The following UTRN variants were observed in gnomAD, a reference collection of about 807,000 sequenced individuals.
UTRN encodes dystrophin-related protein 1.
Under a neutral mutation model 463.9 loss-of-function variants are expected in UTRN, and 283 were observed. The ratio of observed to expected loss-of-function variants is 0.61; its 90% CI spans 0.55 to 0.67. The LOEUF (loss-of-function observed/expected upper bound fraction) is 0.67. Among genes scored for constraint, UTRN ranks in the 30% least tolerant of loss-of-function variants. The pLI is 0.00. For missense variants in UTRN, 3,922 were observed against 4,084.3 expected (o/e 0.96, Z 1.08); for synonymous variants, 1,442 against 1,431.5 (o/e 1.01, Z -0.17).
chr6:144,778,172 A>G (rs1775499338), intron 60 of UTRN, among the ~76,000 whole-genome samples: 1 of 152,184 alleles, frequency 6.6e-6, no homozygotes, highest in African/African-American at 2.4e-5. Flanking sequence ...CAGGTGAAGG[A>G]TGATCAAAGC....
chr6:144,531,998 A>G (rs543211063), intron 42 of UTRN, among the ~76,000 whole-genome samples: 13 of 152,034 alleles, frequency 8.6e-5, no homozygotes, highest in African/African-American at 2.9e-4. Flanking sequence ...TTAGCCGGGC[A>G]TGGTGGAACG....
At chr6:144,640,468 ACATT>A (rs1777654435) in intron 51 of UTRN, among the ~76,000 whole-genome samples, 1 of 152,186 alleles carries the variant, frequency 6.6e-6, no homozygotes, top group African/African-American at 2.4e-5. Flanking sequence ...CTGATATCGT[ACATT>A]CAATTTATAT....
chr6:144,807,747 C>A (rs1778269608), intron 65 of UTRN, among the ~76,000 whole-genome samples: 1 of 152,094 alleles, frequency 6.6e-6, no homozygotes, highest in African/African-American at 2.4e-5. Flanking sequence ...GGATTTGATT[C>A]TATGTTCCCT....
In UTRN at chr6:144,662,002, ATTATCTAT is replaced by A. The variant is rs200246110; in HGVS notation, c.7480-16399_7480-16392del. On this transcript the variant is annotated intron_variant, in intron 51 of 74. Coordinates refer to ENST00000367545, the MANE Select transcript of UTRN (RefSeq NM_007124.3). ...TTGATTTGGGATTTTTATTATTATT[ATTATCTAT>A]TTATTTATTTATTTATTTTTGAGAC... Among the ~76,000 whole-genome samples the A allele has an allele frequency of 2.7e-3, 404 of 150,302 alleles. 14 individuals carry two copies. In the East Asian group the frequency reaches 0.068, roughly 25 times the overall value.
rs138536592 is a variant in UTRN at position 144,786,579 on chromosome 6, G to A, written c.8835-2615G>A. ...GATTACAGGCGTGAGCCACCGCGCC[G>A]GGCCTGAATGTGTCTTATCTCCGAT... is the stretch of plus-strand genomic sequence containing the variant. On this transcript the variant is annotated intron_variant, in intron 61 of 74. Transcript: ENST00000367545. Among the ~76,000 whole-genome samples the A allele has an allele frequency of 6.6e-4, 100 of 152,076 alleles. 1 individual carries two copies. Among genetic ancestry groups the A allele is most frequent in the Admixed American group, 3.5e-3 (53 of 15,274 alleles).
At chr6:144,517,007 AG>A in intron 39 of UTRN, 59 bp downstream of exon 39, 1 of 1,346,878 alleles carries the variant, frequency 7.4e-7, no homozygotes, top group Non-Finnish European at 9.6e-7. Context: ...CTTGCCATTC[AG>A]ATGTGTGATG....
intron 58 of UTRN, among the ~76,000 whole-genome samples, chr6:144,767,911 A>G (rs1326090012): frequency 6.6e-6 from 1 of 152,204 alleles, no homozygotes; most frequent in Non-Finnish European, 1.5e-5. Context: ...AGTTATAAGC[A>G]TAAAATTGGA....
rs536653665 is a variant in UTRN at position 144,604,198 on chromosome 6, A to G, written c.7479+26910A>G. On this transcript the variant is annotated intron_variant, in intron 51 of 74. Coordinates refer to ENST00000367545, the MANE Select transcript of UTRN (RefSeq NM_007124.3). ...TGCATGGCCATGTCTTACCCAGCAC[A>G]TTGCCTACACATGTATAAGGTATGC... 2.6e-4 allele frequency among the ~76,000 whole-genome samples: 40 copies of G among 152,310 alleles called. No individual in the cohort carries two copies. The South Asian group carries it at 7.9e-3, about 30-fold the overall frequency.
At chr6:144,785,553 A>C (rs904207418) in intron 61 of UTRN, among the ~76,000 whole-genome samples, 1 of 152,164 alleles carries the variant, frequency 6.6e-6, no homozygotes, top group Non-Finnish European at 1.5e-5. Context: ...TTAAGTGAAC[A>C]GTTTTTTTCC....
chr6:144,356,430 T>C (rs1260987378), intron 2 of UTRN, among the ~76,000 whole-genome samples: 1 of 152,242 alleles, frequency 6.6e-6, no homozygotes, highest in African/African-American at 2.4e-5. Flanking sequence ...GGTTGAGAAC[T>C]CCTGATATAA....
At chr6:144,720,864 G>A (rs371916934) in intron 53 of UTRN, among the ~76,000 whole-genome samples, 2 of 152,252 alleles carry the variant, frequency 1.3e-5, no homozygotes, top group African/African-American at 2.4e-5. Flanking sequence ...ACTTAACCAC[G>A]TTCTGGGCTA....
chr6:144,662,864 T>C (rs1274381669), intron 51 of UTRN, among the ~76,000 whole-genome samples: 1 of 152,194 alleles, frequency 6.6e-6, no homozygotes, highest in Non-Finnish European at 1.5e-5. Flanking sequence ...TTAGTTGATA[T>C]TTTTGAATTT....
intron 2 of UTRN, among the ~76,000 whole-genome samples, chr6:144,371,693 C>T (rs922236352): frequency 1.3e-5 from 2 of 152,230 alleles, no homozygotes; most frequent in Non-Finnish European, 2.9e-5. Context: ...CAGGCATGAG[C>T]CACTGCGCCT....
chr6:144,619,829 GAT>G (rs1775157324), intron 51 of UTRN, among the ~76,000 whole-genome samples: 1 of 152,162 alleles, frequency 6.6e-6, no homozygotes, highest in Non-Finnish European at 1.5e-5. Context: ...AAATTTTGCG[GAT>G]AATGTTTCTA....
In UTRN at chr6:144,551,009, T is replaced by C. The variant is rs970115925; in HGVS notation, c.6855T>C (p.Tyr2285=). The C allele has an allele frequency of 6.2e-7, 1 of 1,612,514 alleles. No homozygotes were observed. Among genetic ancestry groups the C allele is most frequent in the African/African-American group, 1.3e-5 (1 of 74,840 alleles). ...AACAGCGCCATCCTCAGCTGGATTA[T>C]GTTTTTACATTGGCACAGAATTTGA... The part of the protein sequence containing the change: ...DLEQRHPQLD[Y]VFTLAQNLKN... Residue 2285 remains tyrosine, a synonymous_variant, in exon 48 of 75, where the codon TAT becomes TAC. Transcript: ENST00000367545.
intron 51 of UTRN, among the ~76,000 whole-genome samples, chr6:144,621,603 A>T (rs916207193): frequency 3.3e-5 from 5 of 152,326 alleles, no homozygotes; most frequent in South Asian, 4.1e-4. Flanking sequence ...CATAGTGTTA[A>T]TAATAACATA....
intron 2 of UTRN, among the ~76,000 whole-genome samples, chr6:144,333,761 C>A (rs1454785309): frequency 4.6e-5 from 7 of 152,152 alleles, no homozygotes; most frequent in Admixed American, 1.3e-4. Context: ...CTGATTCCAA[C>A]CTTTTGTTCT....
chr6:144,459,846 T>G (rs1473571431), intron 21 of UTRN, among the ~76,000 whole-genome samples: 1 of 151,986 alleles, frequency 6.6e-6, no homozygotes, highest in Non-Finnish European at 1.5e-5. Flanking sequence ...CACCTCAGCC[T>G]CCCAAAATAA....
chr6:144,541,977 G>A (rs1172114988), intron 45 of UTRN, among the ~76,000 whole-genome samples: 2 of 152,210 alleles, frequency 1.3e-5, no homozygotes, highest in Non-Finnish European at 2.9e-5. Context: ...CTGTAGAATG[G>A]AAGGCTGAGG....
Sources: allele counts gnomAD v4.1 joint callset (sites outside exome capture counted in the v4.1 genomes callset), GRCh38; gene constraint gnomAD v4.1.1; transcripts MANE v1.5; gene names NCBI Gene and HGNC (gene_info 2026-07-23, HGNC 2026-07-21).